The following PPP1R7 variants were observed in gnomAD, a reference collection of about 807,000 sequenced individuals.
The protein encoded by PPP1R7 is protein phosphatase 1 regulatory subunit 7.
A neutral mutation model predicts 45.2 loss-of-function variants in PPP1R7; 18 were observed. That is an observed-to-expected ratio of 0.40 (90% CI 0.28 to 0.59). The LOEUF (loss-of-function observed/expected upper bound fraction) is 0.59. Among genes scored for constraint, PPP1R7 ranks in the 20% least tolerant of loss-of-function variants. The pLI, the probability that PPP1R7 is intolerant of heterozygous loss-of-function variation, is 0.46. For missense variants in PPP1R7, 314 were observed against 455.8 expected, an observed-to-expected ratio of 0.69 and a Z score of 2.83; for synonymous variants, 181 against 183.4, an observed-to-expected ratio of 0.99 and a Z score of 0.11.
intron 9 of PPP1R7, 103 bp from the exon 10 acceptor site, chr2:241,182,544 G>A (rs34186191): frequency 0.42 from 596,633 of 1,425,006 alleles, 131,995 homozygotes; most frequent in Middle Eastern, 0.48. Flanking sequence ...ACACCTGCTC[G>A]CCATCTTCTG....
At chr2:241,180,534 G>A (rs1382436926) in intron 9 of PPP1R7, among the ~76,000 whole-genome samples, 3 of 152,078 alleles carry the variant, frequency 2.0e-5, no homozygotes, top group Non-Finnish European at 2.9e-5. Context: ...CTTGGTTTAA[G>A]GCGTGTGTGT....
rs2067371026 is a variant in PPP1R7, at chr2:241,153,561, G to A, written c.138G>A (p.Gln46=). ...SSGIVADLSE[Q]SLKDGEERGE... ...GCATCGTGGCCGACCTCAGTGAACA[G>A]AGCCTGAAGGATGGGGAGGAGCGGG... The change falls in exon 2 of 10, where the codon CAG becomes CAA. Residue 46 remains glutamine (Q), a synonymous_variant. Coordinates refer to ENST00000234038, the MANE Select transcript of PPP1R7 (RefSeq NM_002712.3). The A allele has an allele frequency of 1.9e-6, 3 of 1,614,202 alleles. No individual in the cohort carries two copies. Among genetic ancestry groups the A allele is most frequent in the Non-Finnish European group, 1.7e-6 (2 of 1,180,048 alleles).
chr2:241,183,162 T>C lies in PPP1R7; in HGVS notation c.*339T>C. On this transcript the variant is annotated 3_prime_UTR_variant, in exon 10 of 10. Transcript: ENST00000234038. Reference sequence around the variant, plus strand: ...CCTGAGTCGTGTGAAACACAGGGCCTGAGAGTGCTTTACAGGCATTCACGT... The same window carrying C: ...CCTGAGTCGTGTGAAACACAGGGCCCGAGAGTGCTTTACAGGCATTCACGT... The C allele has an allele frequency of 2.5e-6, 1 of 395,854 alleles. No homozygotes were observed. The highest frequency in any genetic ancestry group is 2.1e-5 in the South Asian group (1 of 47,364). 24.5% of individuals were successfully genotyped at this position (395,854 alleles called of 1,614,324 possible).
upstream of PPP1R7, chr2:241,149,695 C>G (rs3806600): frequency 6.4e-7 from 1 of 1,550,944 alleles, no homozygotes; most frequent in East Asian, 2.4e-5. Flanking sequence ...CCTCCCGACT[C>G]GCGATCAAAA....
chr2:241,163,229 C>G, intron 6 of PPP1R7, 56 bp from the exon 7 acceptor site: 1 of 1,215,950 alleles, frequency 8.2e-7, no homozygotes, highest in Non-Finnish European at 1.2e-6. Context: ...CACCTGCTGG[C>G]TGCCTGGGGC....
intron 6 of PPP1R7, among the ~76,000 whole-genome samples, chr2:241,161,010 T>G (rs556150318): frequency 6.4e-4 from 92 of 143,424 alleles, no homozygotes; most frequent in African/African-American, 2.2e-3. Context: ...TGGAGTGAAT[T>G]GATGTACATA....
chr2:241,160,935 A>G (rs1210827300), intron 6 of PPP1R7, among the ~76,000 whole-genome samples: 2 of 149,796 alleles, frequency 1.3e-5, no homozygotes, highest in Non-Finnish European at 3.0e-5. Context: ...CCTCTTGATC[A>G]TGGTCATCTT....
At chr2:241,154,179 C>CA (rs1167747738) in intron 2 of PPP1R7, among the ~76,000 whole-genome samples, 6,198 of 47,510 alleles carry the variant, frequency 0.13, 274 homozygotes, top group Non-Finnish European at 0.18. Flanking sequence ...TACTCCTTCT[C>CA]AAAAAAAAAA....
chr2:241,149,742 C>A, upstream of PPP1R7: 1 of 1,544,364 alleles, frequency 6.5e-7, no homozygotes, highest in East Asian at 2.4e-5. Context: ...TTGGAGGCCT[C>A]TTTCTGAAGG....
chr2:241,153,246 G>T (rs760077495), intron 1 of PPP1R7, among the ~76,000 whole-genome samples: 1 of 152,216 alleles, frequency 6.6e-6, no homozygotes, highest in Non-Finnish European at 1.5e-5. Flanking sequence ...CAGAAGTAGT[G>T]TGTTCCTCAC....
rs2068045778 is a variant in PPP1R7 at position 241,183,512 on chromosome 2, G to C, written c.*689G>C. 4.3e-6 allele frequency: 2 copies of C among 463,896 alleles called. No homozygotes were observed. Among genetic ancestry groups the C allele is most frequent in the Non-Finnish European group, 4.5e-6 (1 of 224,684 alleles). The allele number at this position is 463,896 out of a possible 1,614,324, so 28.7% of individuals were successfully genotyped here. On this transcript the variant is annotated 3_prime_UTR_variant, in exon 10 of 10. Transcript: ENST00000234038. ...CCTGTGTCCCACACGGTGCTGTGCT[G>C]CTGCCAGAATACGAGTCCCATTGAG...
chr2:241,171,323 T>TA (rs1246107895), intron 9 of PPP1R7, among the ~76,000 whole-genome samples: 3 of 152,234 alleles, frequency 2.0e-5, no homozygotes, highest in East Asian at 3.9e-4. Context: ...CCAAAGATAG[T>TA]AAAAAATAGC....
chr2:241,176,763 A>G (rs2067915116), intron 9 of PPP1R7, among the ~76,000 whole-genome samples: 1 of 152,174 alleles, frequency 6.6e-6, no homozygotes, highest in Non-Finnish European at 1.5e-5. Context: ...GCCTGGCCAT[A>G]TCTCATTAAC....
intron 6 of PPP1R7, among the ~76,000 whole-genome samples, chr2:241,161,575 G>A (rs1275260665): frequency 6.6e-6 from 1 of 152,234 alleles, no homozygotes; most frequent in African/African-American, 2.4e-5. Flanking sequence ...GTCCCCAGCA[G>A]GATTAGATCT....
chr2:241,161,786 G>A (rs78537571), intron 6 of PPP1R7, among the ~76,000 whole-genome samples: 2,540 of 152,304 alleles, frequency 0.017, 91 homozygotes, highest in East Asian at 0.1. Flanking sequence ...CAGGGAGGAG[G>A]GAGGGTTCCC....
At chr2:241,168,758 C>T (rs952832382) in intron 8 of PPP1R7, among the ~76,000 whole-genome samples, 1 of 152,204 alleles carries the variant, frequency 6.6e-6, no homozygotes, top group Non-Finnish European at 1.5e-5. Context: ...GTGGTACAGC[C>T]AGAGGAGCTC....
Position 241,160,606 on chromosome 2 carries a change from C to T in PPP1R7, c.597+112C>T, listed in dbSNP as rs150320612. On this transcript the variant is annotated intron_variant, in intron 6 of 9. Transcript: ENST00000234038. ...TGGTGAGTCTGCATTTCTTACAATG[C>T]TGTGATTTTTTTCATGAACAAGGAA... 73 of 988,984 alleles carry T rather than the reference C, an allele frequency of 7.4e-5. No individual in the cohort carries two copies. The African/African-American group carries it at 1.0e-3, about 14-fold the overall frequency. The allele number at this position is 988,984 out of a possible 1,614,324, so 61.3% of individuals were successfully genotyped here. A position where few individuals can be genotyped will look rare whatever the true frequency, so the allele number is the denominator to read the frequency against.
At chr2:241,171,917 A>G (rs12052982) in intron 9 of PPP1R7, among the ~76,000 whole-genome samples, 20,432 of 152,162 alleles carry the variant, frequency 0.13, 2,138 homozygotes, top group East Asian at 0.61. Context: ...CTCTTAACCC[A>G]TGCCTTTATA....
chr2:241,180,388 TAAAAA>T (rs58267372), intron 9 of PPP1R7, among the ~76,000 whole-genome samples: 135 of 99,992 alleles, frequency 1.4e-3, no homozygotes, highest in Non-Finnish European at 1.7e-3. Context: ...GCTGGTGAGC[TAAAAA>T]AAAAAAAAAA....
Sources: gnomAD v4.1 joint callset for allele counts (sites outside exome capture counted in the v4.1 genomes callset) on GRCh38, gnomAD v4.1.1 for gene constraint, MANE v1.5 for transcripts, NCBI Gene and HGNC (gene_info 2026-07-23, HGNC 2026-07-21) for gene names.